SCRN1: variants seen among roughly 807,000 people sequenced by gnomAD.
SCRN1 encodes the protein secernin-1.
In SCRN1, 19 loss-of-function variants were observed where a neutral mutation model predicts 43.3. That is an observed-to-expected ratio of 0.44 (90% CI 0.31 to 0.64). The LOEUF is 0.64. Among genes scored for constraint, SCRN1 ranks in the 30% least tolerant of loss-of-function variants. The probability of loss-of-function intolerance (pLI) is 0.09; values close to 1 mark genes in which losing one functional copy is unlikely to be tolerated. For missense variants in SCRN1, 447 were observed against 524.1 expected, an observed-to-expected ratio of 0.85 and a Z score of 1.44; for synonymous variants, 183 against 188.9, an observed-to-expected ratio of 0.97 and a Z score of 0.26.
intron 5 of SCRN1, among the ~76,000 whole-genome samples, chr7:29,940,386 G>A (rs1460305972): frequency 2.0e-5 from 3 of 152,128 alleles, no homozygotes; most frequent in Admixed American, 6.5e-5. Context: ...AATTACTGAT[G>A]TATGAGGATG....
intron 1 of SCRN1, among the ~76,000 whole-genome samples, chr7:29,973,620 T>C (rs1562821521): frequency 6.6e-6 from 1 of 152,232 alleles, no homozygotes. Flanking sequence ...TACTTTAGTG[T>C]CTATTTCACA....
At chr7:29,945,698 T>G (rs562898688) in intron 3 of SCRN1, among the ~76,000 whole-genome samples, 2 of 152,184 alleles carry the variant, frequency 1.3e-5, no homozygotes, top group Non-Finnish European at 2.9e-5. Context: ...TCACTGGCAT[T>G]AAGATCTTAA....
rs1788266677 is a variant in SCRN1, at chr7:29,960,293, C to A, written c.160-4933G>T. On this transcript the variant is annotated intron_variant, in intron 2 of 7. Coordinates refer to ENST00000242059, the MANE Select transcript of SCRN1 (RefSeq NM_014766.5). ...CAATGATAAAGAAAGGGGAAATAAT[C>A]TACCAAAAGCCTCCCCCAAATCATG... 3.9e-5 allele frequency among the ~76,000 whole-genome samples: 6 copies of A among 152,048 alleles called. No individual in the cohort carries two copies. The South Asian group carries it at 1.2e-3, about 32-fold the overall frequency.
At chr7:29,980,284 A>G (rs1788957352) in intron 1 of SCRN1, among the ~76,000 whole-genome samples, 1 of 152,232 alleles carries the variant, frequency 6.6e-6, no homozygotes, top group South Asian at 2.1e-4. Context: ...GAGCTGCCAA[A>G]AGCATTCTCT....
chr7:29,924,020 G>A lies in SCRN1; in HGVS notation c.1182C>T (p.Asp394=), dbSNP rs1224226858. 2 of 1,614,146 alleles carry A rather than the reference G, an allele frequency of 1.2e-6. No homozygotes were observed. The highest frequency in any genetic ancestry group is 1.3e-5 in the African/African-American group (1 of 75,032). ...EEILTSSEPL[D]PAEVGDLFYD... is the part of the protein sequence containing the mutation. ...AGAAAAGGTCCCCCACTTCCGCAGG[G>A]TCCAGTGGCTCGGAGCTGGTCAGGA... is the stretch of plus-strand genomic sequence containing the variant. Residue 394 remains aspartate, a synonymous_variant, in exon 8 of 8, where the codon GAC becomes GAT. Transcript: ENST00000242059.
rs1375309613 is a variant in SCRN1 at position 29,984,881 on chromosome 7, T to G, written c.-2+4761A>C. Among the ~76,000 whole-genome samples the G allele has an allele frequency of 2.2e-5, 3 of 137,332 alleles. 1 individual carries two copies. Among genetic ancestry groups the G allele is most frequent in the African/African-American group, 8.5e-5 (3 of 35,424 alleles). The allele number at this position is 137,332 out of a possible 152,430, so 90.1% of individuals were successfully genotyped here. A position where few individuals can be genotyped will look rare whatever the true frequency, so the allele number is the denominator to read the frequency against. Reference sequence around the variant, plus strand: ...TTGCAGTGAGCCGAGATAGCACCACTGTACTCCAGCCTGGGTGACAGAGCT... The same window carrying G: ...TTGCAGTGAGCCGAGATAGCACCACGGTACTCCAGCCTGGGTGACAGAGCT... On this transcript the variant is annotated intron_variant, in intron 1 of 7. Coordinates refer to ENST00000242059, the MANE Select transcript of SCRN1 (RefSeq NM_014766.5).
rs1787868893 is a variant in SCRN1 at position 29,950,063 on chromosome 7, A to C, written c.341+5116T>G. ...GAGCCCCACCCCCTACCAAGTTGGC[A>C]GGGTGGGAGCCCCATGCTCCCAGGC... On this transcript the variant is annotated intron_variant, in intron 3 of 7. Transcript: ENST00000242059. The surrounding 1 kb of genome is among the most constrained non-coding windows in gnomAD (Gnocchi z 4.5). Among the ~76,000 whole-genome samples, 1 of 152,110 alleles carries C rather than the reference A, an allele frequency of 6.6e-6. No individual in the cohort carries two copies. Among genetic ancestry groups the C allele is most frequent in the South Asian group, 2.1e-4 (1 of 4,826 alleles).
intron 1 of SCRN1, among the ~76,000 whole-genome samples, chr7:29,973,685 T>C (rs565490269): frequency 7.5e-4 from 114 of 152,246 alleles, no homozygotes; most frequent in African/African-American, 2.6e-3. Context: ...GAAAATTGCA[T>C]ACAGACAATA....
chr7:29,971,797 G>A (rs969180415), intron 1 of SCRN1, among the ~76,000 whole-genome samples: 2 of 152,236 alleles, frequency 1.3e-5, no homozygotes, highest in Middle Eastern at 3.4e-3. Flanking sequence ...AAACCTCTTT[G>A]TATGGGACTG....
chr7:29,967,530 A>T (rs1192219170), intron 2 of SCRN1, among the ~76,000 whole-genome samples: 1 of 151,742 alleles, frequency 6.6e-6, no homozygotes, highest in African/African-American at 2.4e-5. Context: ...TACCTGACTG[A>T]TGTATACTTT....
chr7:29,943,984 T>C lies in SCRN1; in HGVS notation c.537A>G (p.Lys179=), dbSNP rs1787644082. The change falls in exon 4 of 8, where the codon AAA becomes AAG. Residue 179 remains lysine (K), a synonymous_variant. Transcript: ENST00000242059. ...ETIGKYWAAE[K]VTEGVRCICS... is the part of the protein sequence containing the mutation. The stretch of plus-strand genomic sequence containing the variant: ...TCATCCACACCCACTCACCTGTGAC[T>C]TTCTCGGCAGCCCAGTACTTCCCTA... 6.2e-7 allele frequency: 1 copy of C among 1,614,020 alleles called. No homozygotes were observed. Among genetic ancestry groups the C allele is most frequent in the South Asian group, 1.1e-5 (1 of 91,082 alleles).
At chr7:29,939,548 G>A (rs777873592) in intron 5 of SCRN1, among the ~76,000 whole-genome samples, 7 of 152,170 alleles carry the variant, frequency 4.6e-5, no homozygotes, top group African/African-American at 1.2e-4. Flanking sequence ...TAGAATTTCC[G>A]TTGAAACTTT....
intron 1 of SCRN1, among the ~76,000 whole-genome samples, chr7:29,979,161 G>A (rs1369948562): frequency 5.3e-5 from 8 of 152,142 alleles, no homozygotes; most frequent in Non-Finnish European, 8.8e-5. Context: ...TCAGGAGTTC[G>A]AGACCAGCCT....
At chr7:29,926,372 A>T in intron 7 of SCRN1, 80 bp downstream of exon 7, 4 of 1,487,016 alleles carry the variant, frequency 2.7e-6, no homozygotes, top group Non-Finnish European at 3.7e-6. Context: ...CTAGCTTGAC[A>T]TCTGCTTCCC....
Position 29,965,732 on chromosome 7 carries a change from T to G in SCRN1, c.159+3177A>C, listed in dbSNP as rs115029874. ...TATGGTATATATCACACTATACTTA[T>G]GTATGGAAGGGGACAGGATTTAACC... On this transcript the variant is annotated intron_variant, in intron 2 of 7. Coordinates refer to ENST00000242059, the MANE Select transcript of SCRN1 (RefSeq NM_014766.5). This position sits in a 1 kb window ranked among gnomAD's most constrained non-coding sequence, Gnocchi z 4.2. 0.011 allele frequency among the ~76,000 whole-genome samples: 1,741 copies of G among 152,188 alleles called. 30 individuals carry two copies. Among genetic ancestry groups the G allele is most frequent in the African/African-American group, 0.04 (1,679 of 41,512 alleles).
chr7:29,974,550 T>C (rs1241084176), intron 1 of SCRN1, among the ~76,000 whole-genome samples: 1 of 152,178 alleles, frequency 6.6e-6, no homozygotes, highest in African/African-American at 2.4e-5. Flanking sequence ...ATTCTCTTCC[T>C]ATTATCTGTC....
intron 6 of SCRN1, among the ~76,000 whole-genome samples, chr7:29,935,798 G>A (rs772224797): frequency 7.2e-5 from 11 of 152,180 alleles, no homozygotes; most frequent in South Asian, 2.1e-4. Context: ...ATAAATAATC[G>A]TTAAATCTAC....
intron 7 of SCRN1, 22 bp downstream of exon 7, chr7:29,926,424 CGCCTCT>C: frequency 6.2e-7 from 1 of 1,603,340 alleles, no homozygotes; most frequent in Non-Finnish European, 8.5e-7. Flanking sequence ...CCTCCGCCTC[CGCCTCT>C]GTGGCCCTCA....
rs753518970 is a variant in SCRN1, at chr7:29,926,506, C to A, written c.1032G>T (p.Arg344=). 22 of 1,613,962 alleles carry A rather than the reference C, an allele frequency of 1.4e-5. No individual in the cohort carries two copies. The highest frequency in any genetic ancestry group is 1.8e-5 in the Non-Finnish European group (21 of 1,180,046). ...ACTCGTGGGCTTTGTACAGCTCATG[C>A]CGGCGGTCTGGTTTCTCCTGGAACC... ...EPRFQEKPDR[R]HELYKAHEWA... The change falls in exon 7 of 8, where the codon CGG becomes CGT. Residue 344 remains arginine (R), a synonymous_variant. Coordinates refer to ENST00000242059, the MANE Select transcript of SCRN1 (RefSeq NM_014766.5).
Sources: allele counts gnomAD v4.1 joint callset (sites outside exome capture counted in the v4.1 genomes callset), GRCh38; gene constraint gnomAD v4.1.1; non-coding constraint Gnocchi (gnomAD v3.1); transcripts MANE v1.5; gene names NCBI Gene and HGNC (gene_info 2026-07-23, HGNC 2026-07-21).